Variants in MYCT1 observed in about 807,000 individuals in gnomAD.
MYCT1 encodes myc target protein 1.
A neutral mutation model predicts 15.0 loss-of-function variants in MYCT1; 12 were observed. The ratio of observed to expected loss-of-function variants is 0.80; its 90% confidence interval spans 0.51 to 1.29. The LOEUF (loss-of-function observed/expected upper bound fraction) is 1.29. Among genes scored for constraint, MYCT1 ranks in the 50% most tolerant of loss-of-function variants. The pLI is 0.00. For missense variants in MYCT1, 287 were observed against 279.1 expected (o/e 1.03, Z -0.20); for synonymous variants, 104 against 102.7 (o/e 1.01, Z -0.07).
the MYCT1 span, among the ~76,000 whole-genome samples, chr6:152,740,622 C>T: frequency 6.6e-6 from 1 of 152,056 alleles, no homozygotes; most frequent in Non-Finnish European, 1.5e-5. Context: ...TAGTTGACAC[C>T]ATTTCAGTAA....
At chr6:152,702,140 A>G (rs927320969) in intron 1 of MYCT1, among the ~76,000 whole-genome samples, 1 of 152,106 alleles carries the variant, frequency 6.6e-6, no homozygotes, top group Non-Finnish European at 1.5e-5. Context: ...AAACCCTTAC[A>G]GGTCGTATTC....
chr6:152,700,816 T>C (rs942285825), intron 1 of MYCT1, among the ~76,000 whole-genome samples: 1 of 152,170 alleles, frequency 6.6e-6, no homozygotes, highest in Admixed American at 6.6e-5. Flanking sequence ...CTGTCTTGCT[T>C]TGCATTTTTT....
rs1415712196 is a variant in MYCT1, at chr6:152,721,700, C to G, written c.197-42C>G. 2.6e-6 allele frequency: 4 copies of G among 1,564,024 alleles called. No individual in the cohort carries two copies. In the East Asian group the frequency reaches 9.0e-5, roughly 35 times the overall value. ...CTGACCCTTGTTTTTAGTTGAAAAC[C>G]TATTTAAAAATTGATTTAGCAATTT... is the stretch of plus-strand genomic sequence containing the variant. On this transcript the variant is annotated intron_variant, in intron 1 of 1. Transcript: ENST00000367245.
chr6:152,745,528 T>A, the MYCT1 span, among the ~76,000 whole-genome samples: 1 of 152,238 alleles, frequency 6.6e-6, no homozygotes. Flanking sequence ...TTTAAAATTC[T>A]ATCATTTCAG....
chr6:152,740,544 T>G, the MYCT1 span, among the ~76,000 whole-genome samples: 1 of 151,996 alleles, frequency 6.6e-6, no homozygotes, highest in Admixed American at 6.6e-5. Context: ...AAATAAGAAG[T>G]AATAAAATAG....
chr6:152,702,651 A>C (rs1198595649), intron 1 of MYCT1, among the ~76,000 whole-genome samples: 1 of 152,194 alleles, frequency 6.6e-6, no homozygotes, highest in East Asian at 1.9e-4. Context: ...CAAGAAGTTA[A>C]GAGGGGAACA....
At chr6:152,739,199 G>A in the MYCT1 span, among the ~76,000 whole-genome samples, 1 of 151,348 alleles carries the variant, frequency 6.6e-6, no homozygotes, top group Admixed American at 6.6e-5. Flanking sequence ...TTAAAAAAAA[G>A]CCTACATTAT....
At chr6:152,745,218 C>G in the MYCT1 span, among the ~76,000 whole-genome samples, 2 of 152,198 alleles carry the variant, frequency 1.3e-5, no homozygotes, top group Non-Finnish European at 2.9e-5. Context: ...CATGACTATA[C>G]ACAATTCAAG....
In MYCT1 at chr6:152,697,927, T is replaced by C. The variant is rs199666046; in HGVS notation, c.25T>C (p.Leu9=). MRTQVYEG[L]CKNYFSLAVL... Reference sequence around the variant, plus strand: ...TATGCGAACACAAGTATATGAGGGGTTGTGTAAAAATTATTTTTCTCTTGC... The same window carrying C: ...TATGCGAACACAAGTATATGAGGGGCTGTGTAAAAATTATTTTTCTCTTGC... The change falls in exon 1 of 2, where the codon TTG becomes CTG. Residue 9 remains leucine (L), a synonymous_variant. Transcript: ENST00000367245. 1.2e-4 allele frequency: 190 copies of C among 1,598,234 alleles called. No homozygotes were observed. The highest frequency in any genetic ancestry group is 1.5e-4 in the Non-Finnish European group (177 of 1,174,438).
intron 1 of MYCT1, among the ~76,000 whole-genome samples, chr6:152,706,961 G>T (rs1462114723): frequency 6.6e-6 from 1 of 151,956 alleles, no homozygotes; most frequent in African/African-American, 2.4e-5. Context: ...TGACAATGCT[G>T]CAATGAACAT....
chr6:152,735,141 A>T, the MYCT1 span, among the ~76,000 whole-genome samples: 2 of 152,186 alleles, frequency 1.3e-5, no homozygotes, highest in African/African-American at 2.4e-5. Flanking sequence ...AAGGGTGTAA[A>T]TTATTAGGAT....
chr6:152,715,083 G>A (rs2099723412), intron 1 of MYCT1, among the ~76,000 whole-genome samples: 1 of 152,070 alleles, frequency 6.6e-6, no homozygotes, highest in African/African-American at 2.4e-5. Context: ...CTTACTTATA[G>A]TGCACAGCAT....
downstream of MYCT1, among the ~76,000 whole-genome samples, chr6:152,727,533 G>A (rs1023138184): frequency 1.3e-5 from 2 of 152,244 alleles, no homozygotes; most frequent in African/African-American, 4.8e-5. Flanking sequence ...GAGTGGTTCT[G>A]AGAGTTGAAG....
At chr6:152,701,568 G>C (rs1168706764) in intron 1 of MYCT1, among the ~76,000 whole-genome samples, 1 of 152,160 alleles carries the variant, frequency 6.6e-6, no homozygotes, top group Admixed American at 6.6e-5. Context: ...TGGAGAGGGT[G>C]TGTGGATGGG....
the MYCT1 span, among the ~76,000 whole-genome samples, chr6:152,738,828 A>G: frequency 6.6e-6 from 1 of 152,240 alleles, no homozygotes; most frequent in Non-Finnish European, 1.5e-5. Flanking sequence ...AATGTAATTA[A>G]CATGTCAGAA....
chr6:152,728,767 A>G (rs1482271052), downstream of MYCT1, among the ~76,000 whole-genome samples: 1 of 152,016 alleles, frequency 6.6e-6, no homozygotes, highest in East Asian at 1.9e-4. Context: ...TTGTAATCCC[A>G]GCTACTCGGG....
the MYCT1 span, among the ~76,000 whole-genome samples, chr6:152,731,815 T>C: frequency 6.6e-6 from 1 of 150,598 alleles, no homozygotes; most frequent in Non-Finnish European, 1.5e-5. Flanking sequence ...TGGCGCGATA[T>C]CAGCTCGCTG....
the MYCT1 span, among the ~76,000 whole-genome samples, chr6:152,730,500 A>T: frequency 1.9e-3 from 295 of 152,320 alleles, 1 homozygote; most frequent in African/African-American, 6.7e-3. Context: ...GCCCCTCAAA[A>T]TTGAAGTGGT....
At chr6:152,721,265 G>A (rs1209267283) in intron 1 of MYCT1, among the ~76,000 whole-genome samples, 1 of 152,198 alleles carries the variant, frequency 6.6e-6, no homozygotes, top group Non-Finnish European at 1.5e-5. Flanking sequence ...GCATCATGAA[G>A]ACTGCAGGTG....
Sources: allele counts gnomAD v4.1 joint callset (sites outside exome capture counted in the v4.1 genomes callset), GRCh38; gene constraint gnomAD v4.1.1; transcripts MANE v1.5; gene names NCBI Gene and HGNC (gene_info 2026-07-23, HGNC 2026-07-21).